Variants in SDK1 observed in about 807,000 individuals in gnomAD.
SDK1 encodes the protein sidekick cell adhesion molecule 1, also known as protein sidekick-1.
A neutral mutation model predicts 245.5 loss-of-function variants in SDK1; 157 were observed. The observed-to-expected ratio is 0.64, with a 90% CI of 0.56 to 0.73. SDK1 has a LOEUF of 0.73. SDK1 is among the 30% of genes least tolerant of loss of function. SDK1 has a pLI of 0.00. For missense variants in SDK1, 3,583 were observed against 3,002.3 expected, an observed-to-expected ratio of 1.19 and a Z score of -4.52; for synonymous variants, 1,647 against 1,278.5, an observed-to-expected ratio of 1.29 and a Z score of -6.15.
At chr7:3,544,659 T>C (rs769378421) in intron 1 of SDK1, among the ~76,000 whole-genome samples, 9 of 152,332 alleles carry the variant, frequency 5.9e-5, no homozygotes, top group Middle Eastern at 6.8e-3. Context: ...CCAAAGCAGA[T>C]TTTGTGATCG....
At chr7:3,718,446 C>T (rs1785265873) in intron 4 of SDK1, among the ~76,000 whole-genome samples, 1 of 151,192 alleles carries the variant, frequency 6.6e-6, no homozygotes, top group South Asian at 2.1e-4. Flanking sequence ...AGGTTGAGGC[C>T]CGGAGGTTGA....
chr7:3,543,079 T>A (rs896798864), intron 1 of SDK1, among the ~76,000 whole-genome samples: 2 of 152,252 alleles, frequency 1.3e-5, no homozygotes, highest in Admixed American at 1.3e-4. Flanking sequence ...AATTCCTATT[T>A]GTATTTCAAA....
chr7:3,433,376 T>C (rs1162256383), intron 1 of SDK1, among the ~76,000 whole-genome samples: 3 of 152,234 alleles, frequency 2.0e-5, no homozygotes, highest in African/African-American at 7.2e-5. Context: ...AGTTTTTATT[T>C]CCAGTAGTAT....
intron 1 of SDK1, among the ~76,000 whole-genome samples, chr7:3,351,753 A>G (rs567553183): frequency 2.0e-5 from 3 of 152,296 alleles, no homozygotes; most frequent in East Asian, 1.9e-4. Context: ...AAGCAAAAAT[A>G]TACAGAAACA....
At chr7:3,878,303 G>A (rs1445307759) in intron 5 of SDK1, among the ~76,000 whole-genome samples, 1 of 152,110 alleles carries the variant, frequency 6.6e-6, no homozygotes, top group Non-Finnish European at 1.5e-5. Flanking sequence ...GGTGGATCAC[G>A]AGGTCAGCAG....
rs536332983 is a variant in SDK1 at position 4,108,418 on chromosome 7, C to G, written c.3325-2245C>G. Among the ~76,000 whole-genome samples, 4 of 150,828 alleles carry G rather than the reference C, an allele frequency of 2.7e-5. No homozygotes were observed. The South Asian group carries it at 8.3e-4, about 31-fold the overall frequency. On this transcript the variant is annotated intron_variant, in intron 22 of 44. Coordinates refer to ENST00000404826, the MANE Select transcript of SDK1 (RefSeq NM_152744.4). ...TGGCTACCCCAGTGCTGAGAACTGGCTCACTTTGGCTGAAGTGAGGATATG... is the reference window on the plus strand; with the variant it reads ...TGGCTACCCCAGTGCTGAGAACTGGGTCACTTTGGCTGAAGTGAGGATATG...
chr7:3,826,136 G>A (rs1779768787), intron 5 of SDK1, among the ~76,000 whole-genome samples: 1 of 152,180 alleles, frequency 6.6e-6, no homozygotes, highest in African/African-American at 2.4e-5. Flanking sequence ...GTGTTGGACA[G>A]AACTAAGTCT....
At chr7:4,182,875 A>G (rs1467474844) in intron 35 of SDK1, among the ~76,000 whole-genome samples, 1 of 152,234 alleles carries the variant, frequency 6.6e-6, no homozygotes, top group Non-Finnish European at 1.5e-5. Flanking sequence ...GTAACCGCCC[A>G]GCAGGCTCCT....
intron 14 of SDK1, among the ~76,000 whole-genome samples, chr7:3,993,745 C>G (rs1784513176): frequency 6.6e-6 from 1 of 152,114 alleles, no homozygotes; most frequent in African/African-American, 2.4e-5. Context: ...GTTCTGTCTT[C>G]AAAGCTCTCC....
chr7:4,053,760 A>C (rs1183271043), intron 19 of SDK1, among the ~76,000 whole-genome samples: 1 of 152,170 alleles, frequency 6.6e-6, no homozygotes, highest in Non-Finnish European at 1.5e-5. Context: ...GAGACCAACA[A>C]TCAATCCCTC....
chr7:3,433,529 C>A (rs1779929011), intron 1 of SDK1, among the ~76,000 whole-genome samples: 1 of 152,080 alleles, frequency 6.6e-6, no homozygotes, highest in Admixed American at 6.5e-5. Flanking sequence ...TTCTCTTTCC[C>A]TATTTCTTCT....
intron 4 of SDK1, among the ~76,000 whole-genome samples, chr7:3,754,891 C>T (rs1001638079): frequency 6.6e-6 from 1 of 152,190 alleles, no homozygotes; most frequent in Non-Finnish European, 1.5e-5. Flanking sequence ...GGGCCTTCAC[C>T]AGCTTCCCTT....
At chr7:3,989,201 C>T (rs970533339) in intron 14 of SDK1, among the ~76,000 whole-genome samples, 5 of 152,226 alleles carry the variant, frequency 3.3e-5, no homozygotes, top group South Asian at 4.1e-4. Context: ...CACAGTTCCA[C>T]GTGGCTAGGA....
intron 5 of SDK1, among the ~76,000 whole-genome samples, chr7:3,846,438 A>G (rs1341920636): frequency 2.0e-5 from 3 of 152,204 alleles, no homozygotes; most frequent in Non-Finnish European, 2.9e-5. Context: ...GTCATTTCTG[A>G]AAAGAATATG....
At chr7:3,952,158 G>T in intron 7 of SDK1, 1 of 522,748 alleles carries the variant, frequency 1.9e-6, no homozygotes, top group South Asian at 2.4e-5. Flanking sequence ...GAATACTCCA[G>T]TCACAAAGCT....
chr7:3,665,631 G>A (rs916051252), intron 4 of SDK1, among the ~76,000 whole-genome samples: 2 of 152,018 alleles, frequency 1.3e-5, no homozygotes, highest in African/African-American at 4.8e-5. Flanking sequence ...GCATGGGGAG[G>A]GAGTGCCACA....
Position 3,910,974 on chromosome 7 carries a change from C to T in SDK1, c.848-39949C>T, listed in dbSNP as rs570238820. On this transcript the variant is annotated intron_variant, in intron 5 of 44. Transcript: ENST00000404826. Reference sequence around the variant, plus strand: ...AGCTCAGGCGTGCTGCTCTGTCTCCCGCTGCCTGCTCTTCTGGGCATTCCG... The same window carrying T: ...AGCTCAGGCGTGCTGCTCTGTCTCCTGCTGCCTGCTCTTCTGGGCATTCCG... Among the ~76,000 whole-genome samples, 13 of 152,294 alleles carry T rather than the reference C, an allele frequency of 8.5e-5. 1 individual carries two copies. The highest frequency in any genetic ancestry group is 4.1e-4 in the South Asian group (2 of 4,826).
In SDK1 at chr7:3,440,682, TAAG is replaced by T. The variant is rs372960863; in HGVS notation, c.298+138802_298+138804del. On this transcript the variant is annotated intron_variant, in intron 1 of 44. Coordinates refer to ENST00000404826, the MANE Select transcript of SDK1 (RefSeq NM_152744.4). ...AATGAAAAGGTGAACGTTCTTGACTTAAGAAGGAAAGAGAAAAATATGCTGAGG... is the reference window on the plus strand; with the variant it reads ...AATGAAAAGGTGAACGTTCTTGACTTAAGGAAAGAGAAAAATATGCTGAGG... Among the ~76,000 whole-genome samples, 141 of 152,230 alleles carry T rather than the reference TAAG, an allele frequency of 9.3e-4. 1 individual carries two copies. Among genetic ancestry groups the T allele is most frequent in the African/African-American group, 2.8e-3 (117 of 41,518 alleles).
At chr7:3,594,462 A>G (rs1328977293) in intron 1 of SDK1, among the ~76,000 whole-genome samples, 2 of 152,316 alleles carry the variant, frequency 1.3e-5, no homozygotes, top group South Asian at 2.1e-4. Flanking sequence ...TCTCTTGAGT[A>G]TATACCTAAG....
Sources: allele counts gnomAD v4.1 joint callset (sites outside exome capture counted in the v4.1 genomes callset), GRCh38; gene constraint gnomAD v4.1.1; transcripts MANE v1.5; gene names NCBI Gene and HGNC (gene_info 2026-07-23, HGNC 2026-07-21).